TSC2: variants seen among roughly 807,000 people sequenced by gnomAD.
TSC2 encodes the protein tuberin.
TSC2 carries 29 observed loss-of-function variants against 202.2 expected under a neutral mutation model. The ratio of observed to expected loss-of-function variants is 0.14; its 90% confidence interval spans 0.11 to 0.20. The LOEUF (loss-of-function observed/expected upper bound fraction) is 0.20, where lower values mean the gene tolerates loss of function less well. TSC2 is among the 10% of genes least tolerant of loss of function. The pLI is 1.00. For synonymous variants in TSC2, 1,349 were observed against 1,044.0 expected (o/e 1.29, Z -5.63); for missense variants, 2,429 against 2,420.0 (o/e 1.00, Z -0.08).
At chr16:2,055,664 A>G (rs2085705182) in intron 6 of TSC2, 145 bp downstream of exon 6, 4 of 787,048 alleles carry the variant, frequency 5.1e-6, no homozygotes, top group Non-Finnish European at 8.8e-6. Context: ...AGGCCGAGGC[A>G]GGCGGATCAC....
At chr16:2,048,534 A>C in intron 1 of TSC2, 53 bp from the exon 2 acceptor site, 1 of 1,609,084 alleles carries the variant, frequency 6.2e-7, no homozygotes, top group East Asian at 2.2e-5. Context: ...CGCAGTGGGG[A>C]AGGTGGGCAG....
At chr16:2,050,024 C>T (rs1001525335) in intron 2 of TSC2, among the ~76,000 whole-genome samples, 1 of 149,132 alleles carries the variant, frequency 6.7e-6, no homozygotes, top group Non-Finnish European at 1.5e-5. Context: ...GGCGCGATCT[C>T]GGCTCACTGC....
intron 7 of TSC2, 118 bp downstream of exon 7, chr16:2,056,362 G>GGTCT: frequency 7.1e-7 from 1 of 1,409,646 alleles, no homozygotes; most frequent in Non-Finnish European, 9.8e-7. Flanking sequence ...CAAGCTGCTC[G>GGTCT]GTCTCTCTGA....
Position 2,065,542 on chromosome 16 carries a change from A to T in TSC2, c.1623A>T (p.Pro541=), listed in dbSNP as rs2151207212. The part of the protein sequence containing the change: ...IEKVMARSLS[P]PPELEERDVA... ...AGGTGATGGCCCGCTCCCTCTCCCC[A>T]CCCCCGGAGCTGGAAGAAAGGGATG... The change falls in exon 16 of 42, where the codon CCA becomes CCT. Residue 541 remains proline, a synonymous_variant. Coordinates refer to ENST00000219476, the MANE Select transcript of TSC2 (RefSeq NM_000548.5). 1 of 1,608,812 alleles carries T rather than the reference A, an allele frequency of 6.2e-7. No individual in the cohort carries two copies.
intron 30 of TSC2, chr16:2,080,709 C>T (rs949816611): frequency 9.5e-6 from 3 of 316,432 alleles, no homozygotes; most frequent in Non-Finnish European, 1.2e-5. Context: ...TGGTCTCAAT[C>T]TCCTGACCTC....
chr16:2,079,511 C>G lies in TSC2; in HGVS notation c.3285-46C>G, dbSNP rs769387942. The G allele has an allele frequency of 6.2e-6, 10 of 1,605,968 alleles. No individual in the cohort carries two copies. Among genetic ancestry groups the G allele is most frequent in the Non-Finnish European group, 8.5e-6 (10 of 1,176,820 alleles). The stretch of plus-strand genomic sequence containing the variant: ...CCAGGCCCACGTGGCACCCTCGTAC[C>G]AGCCTGGGGACTAAGTCCACCCTGT... On this transcript the variant is annotated intron_variant, in intron 28 of 41. Transcript: ENST00000219476. This position sits in a 1 kb window ranked among gnomAD's most constrained non-coding sequence, Gnocchi z 4.6.
chr16:2,067,915 G>T (rs1182074504), intron 16 of TSC2, among the ~76,000 whole-genome samples: 1 of 152,218 alleles, frequency 6.6e-6, no homozygotes, highest in African/African-American at 2.4e-5. Flanking sequence ...TTCTGCTTCT[G>T]CAGAGGGAAG....
rs781641545 is a variant in TSC2 at position 2,084,564 on chromosome 16, AGCTCCCCCC to A, written c.4347_4355del (p.Arg1451_Pro1453del). ...CCAGCCCGAGGGTCCCTTGCCTTCC[AGCTCCCCCC>A]GCTCGCCCAGTGGCCTCCGGCCCCG... On this transcript the variant is annotated inframe_deletion, in exon 34 of 42. Coordinates refer to ENST00000219476, the MANE Select transcript of TSC2 (RefSeq NM_000548.5). 1.2e-6 allele frequency: 2 copies of A among 1,608,206 alleles called. No homozygotes were observed. The highest frequency in any genetic ancestry group is 4.5e-5 in the East Asian group (2 of 44,832).
rs775637322 is a variant in TSC2, at chr16:2,077,721, C to T, written c.2961C>T (p.Val987=). The T allele has an allele frequency of 5.6e-6, 9 of 1,612,646 alleles. No homozygotes were observed. Among genetic ancestry groups the T allele is most frequent in the Non-Finnish European group, 7.6e-6 (9 of 1,180,018 alleles). Residue 987 remains valine, a synonymous_variant, in exon 26 of 42, where the codon GTC becomes GTT. Transcript: ENST00000219476. ...GCATCAGTGTGTCTGAACATGTGGTCCGCAGGTAGCGGGACTGTCGGGTGG... is the reference window on the plus strand; with the variant it reads ...GCATCAGTGTGTCTGAACATGTGGTTCGCAGGTAGCGGGACTGTCGGGTGG... The part of the protein sequence containing the change: ...CRSISVSEHV[V]RSRIQTSLTS...
chr16:2,054,820 C>G (rs529553819), intron 5 of TSC2: 3 of 368,834 alleles, frequency 8.1e-6, no homozygotes, highest in South Asian at 7.1e-5. Context: ...TTCCTCCTGC[C>G]ATCCTGTGGT....
rs773218662 is a variant in TSC2, at chr16:2,079,021, T to C, written c.2967-11T>C. On this transcript the variant is annotated splice_polypyrimidine_tract_variant and intron_variant, in intron 26 of 41. Transcript: ENST00000219476. This position sits in a 1 kb window ranked among gnomAD's most constrained non-coding sequence, Gnocchi z 4.6. ...TGGCACCCTGACCCTGGTCACGGCC[T>C]CTCCCTCCAGCAGGATACAGACGTC... 1 of 1,612,278 alleles carries C rather than the reference T, an allele frequency of 6.2e-7. No individual in the cohort carries two copies. Among genetic ancestry groups the C allele is most frequent in the South Asian group, 1.1e-5 (1 of 91,072 alleles).
intron 17 of TSC2, among the ~76,000 whole-genome samples, chr16:2,071,033 GTT>G (rs1452442801): frequency 6.6e-6 from 1 of 152,184 alleles, no homozygotes; most frequent in African/African-American, 2.4e-5. Context: ...GTTTCGCTGA[GTT>G]TGCGCTATAG....
chr16:2,048,135 A>G (rs1258815208), intron 1 of TSC2, 70 bp downstream of exon 1: 1 of 1,515,236 alleles, frequency 6.6e-7, no homozygotes, highest in Non-Finnish European at 8.9e-7. Flanking sequence ...CGGACCCCGC[A>G]GTGTCCGGGT....
chr16:2,058,740 CTT>C lies in TSC2; in HGVS notation c.849-4_849-3del, dbSNP rs1295449344. ...TCACATTCCGTCTCTCTGGGGAACA[CTT>C]TTAGAGCCTACATGGAGGACGCGCC... is the stretch of plus-strand genomic sequence containing the variant. On this transcript the variant is annotated splice_region_variant and splice_polypyrimidine_tract_variant and intron_variant, in intron 9 of 41. Coordinates refer to ENST00000219476, the MANE Select transcript of TSC2 (RefSeq NM_000548.5). 1.3e-6 allele frequency: 2 copies of C among 1,576,596 alleles called. No individual in the cohort carries two copies. Among genetic ancestry groups the C allele is most frequent in the Non-Finnish European group, 8.6e-7 (1 of 1,160,892 alleles).
intron 30 of TSC2, chr16:2,081,001 C>T (rs1294717536): frequency 1.1e-5 from 2 of 175,006 alleles, no homozygotes; most frequent in Admixed American, 5.4e-5. Context: ...TCCCTGTGTC[C>T]TCACAGGCTC....
At chr16:2,077,435 A>G (rs1471140713) in intron 25 of TSC2, 163 bp from the exon 26 acceptor site, 1 of 990,228 alleles carries the variant, frequency 1.0e-6, no homozygotes, top group African/African-American at 1.6e-5. Context: ...CTTCCCCGCT[A>G]ACTGCCCTTT....
intron 1 of TSC2, 76 bp from the exon 2 acceptor site, chr16:2,048,511 A>G (rs766471397): frequency 1.3e-4 from 209 of 1,582,662 alleles, no homozygotes; most frequent in Non-Finnish European, 1.8e-4. Flanking sequence ...CAGGGTCCTG[A>G]CGGCTGGAGG....
intron 9 of TSC2, among the ~76,000 whole-genome samples, chr16:2,057,665 T>C (rs2086045133): frequency 6.6e-6 from 1 of 152,168 alleles, no homozygotes; most frequent in Non-Finnish European, 1.5e-5. Flanking sequence ...GTGGCCTTTT[T>C]CTGACACAGA....
rs1567465004 is a variant in TSC2 at position 2,071,882 on chromosome 16, G to T, written c.2045G>T (p.Gly682Val). Residue 682 changes from glycine (G) to valine (V), a missense_variant, in exon 19 of 42, where the codon GGG becomes GTG. Physicochemically the swap from Gly to Val is moderately radical, Grantham distance 109. Transcript: ENST00000219476. ...CCTGCAGGCCCCGCCGTGCGGCTGG[G>T]GTCCGTGCCCTACTCCCTGCTCTTC... is the stretch of plus-strand genomic sequence containing the variant. ...PAPAGPAVRL[G>V]SVPYSLLFRV... The T allele has an allele frequency of 6.3e-7, 1 of 1,597,590 alleles. No individual in the cohort carries two copies. The highest frequency in any genetic ancestry group is 8.5e-7 in the Non-Finnish European group (1 of 1,172,722).
Sources: gnomAD v4.1 joint callset for allele counts (sites outside exome capture counted in the v4.1 genomes callset) on GRCh38, gnomAD v4.1.1 for gene constraint, Gnocchi (gnomAD v3.1) non-coding constraint, MANE v1.5 for transcripts, NCBI Gene and HGNC (gene_info 2026-07-23, HGNC 2026-07-21) for gene names.